Variants in SYT2 observed in about 807,000 individuals in gnomAD.
SYT2 encodes the protein synaptotagmin 2, also known as synaptotagmin-2.
A neutral mutation model predicts 39.9 loss-of-function variants in SYT2; 15 were observed. The observed-to-expected ratio is 0.38, with a 90% CI of 0.25 to 0.58. SYT2 has a LOEUF of 0.58. Ranked by LOEUF, SYT2 falls within the 20% of genes least tolerant of loss-of-function variation. The pLI is 0.70. For missense variants in SYT2, 389 were observed against 530.3 expected, an observed-to-expected ratio of 0.73 and a Z score of 2.62; for synonymous variants, 181 against 204.5, an observed-to-expected ratio of 0.89 and a Z score of 0.98.
chr1:202,665,493 A>C (rs773689957), intron 1 of SYT2, among the ~76,000 whole-genome samples: 1 of 152,228 alleles, frequency 6.6e-6, no homozygotes, highest in African/African-American at 2.4e-5. Context: ...AAAGCAACCA[A>C]GGGAAAAGTC....
intron 1 of SYT2, among the ~76,000 whole-genome samples, chr1:202,651,673 G>T (rs772817769): frequency 3.3e-5 from 5 of 152,132 alleles, no homozygotes; most frequent in Non-Finnish European, 7.4e-5. Flanking sequence ...GCTACAAAAG[G>T]CTCCTAAACA....
chr1:202,707,242 A>G (rs1175459361), intron 1 of SYT2, among the ~76,000 whole-genome samples: 1 of 152,216 alleles, frequency 6.6e-6, no homozygotes, highest in Non-Finnish European at 1.5e-5. Context: ...ATAGTGGCAC[A>G]TGGTAGGTAC....
chr1:202,692,055 T>A (rs990873554), intron 1 of SYT2, among the ~76,000 whole-genome samples: 2 of 151,972 alleles, frequency 1.3e-5, no homozygotes, highest in Admixed American at 1.3e-4. Context: ...TCCACACCAC[T>A]CTATCCAGCC....
intron 1 of SYT2, among the ~76,000 whole-genome samples, chr1:202,646,677 C>T (rs115575420): frequency 0.01 from 1,543 of 152,292 alleles, 21 homozygotes; most frequent in African/African-American, 0.034. Flanking sequence ...TAAAGATTAA[C>T]GGGATAATGT....
chr1:202,645,351 G>C (rs753787005), intron 1 of SYT2, among the ~76,000 whole-genome samples: 3 of 152,206 alleles, frequency 2.0e-5, no homozygotes, highest in Non-Finnish European at 4.4e-5. Flanking sequence ...GGAGAAAAGT[G>C]CTTCTGTTTT....
intron 1 of SYT2, among the ~76,000 whole-genome samples, chr1:202,688,129 G>A (rs1385792669): frequency 6.6e-6 from 1 of 152,154 alleles, no homozygotes; most frequent in Non-Finnish European, 1.5e-5. Flanking sequence ...CCCATACCCA[G>A]GGGCTAGCTT....
intron 1 of SYT2, among the ~76,000 whole-genome samples, chr1:202,607,949 C>T (rs1412095476): frequency 3.9e-5 from 6 of 152,114 alleles, no homozygotes; most frequent in Admixed American, 2.6e-4. Flanking sequence ...GTACACAGTT[C>T]AGTGCATTTT....
At chr1:202,685,862 C>T (rs1045901273) in intron 1 of SYT2, among the ~76,000 whole-genome samples, 10 of 152,044 alleles carry the variant, frequency 6.6e-5, no homozygotes, top group Non-Finnish European at 2.9e-5. Flanking sequence ...TTCCTGCAAG[C>T]AAGGCGAGGG....
chr1:202,615,813 A>T (rs1254595167), intron 1 of SYT2, among the ~76,000 whole-genome samples: 1 of 151,442 alleles, frequency 6.6e-6, no homozygotes, highest in Admixed American at 6.6e-5. Context: ...AGTCTCCCTG[A>T]CCTCCCTGGG....
In SYT2 at chr1:202,614,116, A is replaced by C. The variant is rs1193540857; in HGVS notation, c.-17-8327T>G. On this transcript the variant is annotated intron_variant, in intron 1 of 8. Coordinates refer to ENST00000367268, the MANE Select transcript of SYT2 (RefSeq NM_177402.5). This position sits in a 1 kb window ranked among gnomAD's most constrained non-coding sequence, Gnocchi z 4.0. ...GGATGCAGGCCTTCTCTCCAGACTG[A>C]CCGTCCAGAAATGGTCCTGTAGCAA... Among the ~76,000 whole-genome samples the C allele has an allele frequency of 2.0e-5, 3 of 152,170 alleles. No homozygotes were observed. The highest frequency in any genetic ancestry group is 4.4e-5 in the Non-Finnish European group (3 of 68,020).
At chr1:202,693,351 T>C (rs1490451299) in intron 1 of SYT2, among the ~76,000 whole-genome samples, 1 of 152,112 alleles carries the variant, frequency 6.6e-6, no homozygotes, top group African/African-American at 2.4e-5. Context: ...CAGATACCCT[T>C]CAAGACCATG....
chr1:202,689,439 G>A (rs1314731302), intron 1 of SYT2, among the ~76,000 whole-genome samples: 1 of 152,162 alleles, frequency 6.6e-6, no homozygotes, highest in African/African-American at 2.4e-5. Flanking sequence ...GAGTCAGTGG[G>A]GAAAGTGAGG....
intron 1 of SYT2, among the ~76,000 whole-genome samples, chr1:202,626,735 G>A (rs1691428317): frequency 6.6e-6 from 1 of 152,130 alleles, no homozygotes; most frequent in South Asian, 2.1e-4. Flanking sequence ...CTGAAGGCAA[G>A]CGGCAGAAAG....
chr1:202,627,758 TC>T (rs1016840270), intron 1 of SYT2, among the ~76,000 whole-genome samples: 2 of 152,204 alleles, frequency 1.3e-5, no homozygotes, highest in African/African-American at 2.4e-5. Flanking sequence ...ATCTTCACTT[TC>T]GTTTCCTCCA....
In SYT2 at chr1:202,590,788, T is replaced by A. The variant is rs1690079988; in HGVS notation, c.*5969A>T. ...ATGGAGACGAAGGCAGGGCTCCTGG[T>A]GGGCTGACCTTGGCGAAGCTAGGCT... On this transcript the variant is annotated 3_prime_UTR_variant, in exon 9 of 9. Transcript: ENST00000367268. The A allele has an allele frequency of 1.3e-5, 2 of 151,844 alleles. No homozygotes were observed. Among genetic ancestry groups the A allele is most frequent in the South Asian group, 4.2e-4 (2 of 4,812 alleles). 9.4% of individuals were successfully genotyped at this position (151,844 alleles called of 1,614,324 possible).
At chr1:202,634,042 C>T (rs1440205779) in intron 1 of SYT2, among the ~76,000 whole-genome samples, 2 of 152,224 alleles carry the variant, frequency 1.3e-5, no homozygotes, top group Non-Finnish European at 2.9e-5. Flanking sequence ...AATCCTGGCT[C>T]TCTTAGCTGA....
intron 1 of SYT2, among the ~76,000 whole-genome samples, chr1:202,649,650 C>A (rs1159312394): frequency 6.6e-6 from 1 of 152,190 alleles, no homozygotes; most frequent in Non-Finnish European, 1.5e-5. Context: ...GTGCCATATG[C>A]CTTGCCAATT....
chr1:202,618,716 A>G (rs1284848981), intron 1 of SYT2, among the ~76,000 whole-genome samples: 1 of 152,174 alleles, frequency 6.6e-6, no homozygotes, highest in Non-Finnish European at 1.5e-5. Context: ...ACATCTGCTC[A>G]GCATGTAGAG....
intron 1 of SYT2, among the ~76,000 whole-genome samples, chr1:202,611,352 GT>G (rs1348482624): frequency 6.6e-6 from 1 of 152,104 alleles, no homozygotes; most frequent in Non-Finnish European, 1.5e-5. Flanking sequence ...TGTGTGTGGT[GT>G]TTTTTTGTTG....
Sources: gnomAD v4.1 joint callset for allele counts (sites outside exome capture counted in the v4.1 genomes callset) on GRCh38, gnomAD v4.1.1 for gene constraint, Gnocchi (gnomAD v3.1) non-coding constraint, MANE v1.5 for transcripts, NCBI Gene and HGNC (gene_info 2026-07-23, HGNC 2026-07-21) for gene names.